Variants in LGSN observed in about 807,000 individuals in gnomAD.
The protein encoded by LGSN is lengsin, lens protein with glutamine synthetase domain, also known as lengsin.
A neutral mutation model predicts 19.5 loss-of-function variants in LGSN; 21 were observed. The ratio of observed to expected loss-of-function variants is 1.07; its 90% confidence interval spans 0.76 to 1.55. The LOEUF (loss-of-function observed/expected upper bound fraction) is 1.55, where lower values mean the gene tolerates loss of function less well. Ranked by LOEUF, LGSN falls within the 40% of genes most tolerant of loss-of-function variation. LGSN has a pLI of 0.00. For synonymous variants in LGSN, 257 were observed against 215.6 expected (o/e 1.19, Z -1.68); for missense variants, 673 against 608.5 (o/e 1.11, Z -1.12).
chr6:63,318,617 G>A (rs1458343199), intron 1 of LGSN, among the ~76,000 whole-genome samples: 11 of 152,108 alleles, frequency 7.2e-5, no homozygotes. Flanking sequence ...TGAGAATTGT[G>A]CAGTTTAAAA....
the LGSN span, among the ~76,000 whole-genome samples, chr6:63,568,747 T>C: frequency 6.6e-6 from 1 of 152,000 alleles, no homozygotes; most frequent in African/African-American, 2.4e-5. Flanking sequence ...ATAAGAAAAT[T>C]AATTGGATAT....
At chr6:63,436,247 CT>C in the LGSN span, among the ~76,000 whole-genome samples, 1 of 152,060 alleles carries the variant, frequency 6.6e-6, no homozygotes, top group Non-Finnish European at 1.5e-5. Context: ...AAACTGTAAA[CT>C]TTATGAGAGC....
chr6:63,327,570 GTC>G, the LGSN span, among the ~76,000 whole-genome samples: 1 of 152,184 alleles, frequency 6.6e-6, no homozygotes, highest in Non-Finnish European at 1.5e-5. Flanking sequence ...CTGCCAAAGA[GTC>G]TATTTGGGAT....
intron 2 of LGSN, among the ~76,000 whole-genome samples, chr6:63,293,324 C>A (rs1265160875): frequency 1.3e-5 from 2 of 152,088 alleles, no homozygotes; most frequent in Non-Finnish European, 2.9e-5. Flanking sequence ...AACTAATTTC[C>A]AGCATTTTAA....
chr6:63,562,343 G>T, the LGSN span, among the ~76,000 whole-genome samples: 1 of 151,872 alleles, frequency 6.6e-6, no homozygotes, highest in African/African-American at 2.4e-5. Flanking sequence ...GGGATTACAG[G>T]CATGTGCCAC....
chr6:63,520,670 T>A, the LGSN span, among the ~76,000 whole-genome samples: 1 of 138,812 alleles, frequency 7.2e-6, no homozygotes, highest in Non-Finnish European at 1.6e-5. Context: ...AATAAATAAA[T>A]AAAATGAAAA....
At chr6:63,339,630 CA>C in the LGSN span, among the ~76,000 whole-genome samples, 1 of 152,102 alleles carries the variant, frequency 6.6e-6, no homozygotes, top group Admixed American at 6.5e-5. Context: ...TCCATCTATT[CA>C]GCCAGTCTGT....
intron 1 of LGSN, among the ~76,000 whole-genome samples, chr6:63,318,562 C>T (rs956333930): frequency 1.3e-5 from 2 of 152,158 alleles, no homozygotes; most frequent in South Asian, 2.1e-4. Flanking sequence ...TCTATTCCAA[C>T]TTTGAGGGAA....
chr6:63,424,874 G>T, the LGSN span, among the ~76,000 whole-genome samples: 1 of 151,916 alleles, frequency 6.6e-6, no homozygotes, highest in Non-Finnish European at 1.5e-5. Flanking sequence ...ATGTGCCACT[G>T]CACTCCAGCC....
At chr6:63,292,649 T>A (rs1008789975) in intron 2 of LGSN, among the ~76,000 whole-genome samples, 3 of 152,200 alleles carry the variant, frequency 2.0e-5, no homozygotes, top group African/African-American at 7.2e-5. Context: ...CTTCCTTGGT[T>A]GGCAATATTC....
At chr6:63,545,214 C>A in the LGSN span, among the ~76,000 whole-genome samples, 26 of 152,142 alleles carry the variant, frequency 1.7e-4, no homozygotes, top group African/African-American at 5.1e-4. Flanking sequence ...AGATTTGGGG[C>A]AACTGGAAGT....
At chr6:63,566,357 G>A in the LGSN span, among the ~76,000 whole-genome samples, 1 of 152,184 alleles carries the variant, frequency 6.6e-6, no homozygotes, top group Non-Finnish European at 1.5e-5. Context: ...TGAGGGGATG[G>A]AGTTTACATG....
chr6:63,369,414 G>T, the LGSN span, among the ~76,000 whole-genome samples: 1 of 152,144 alleles, frequency 6.6e-6, no homozygotes, highest in East Asian at 1.9e-4. Context: ...GTAAAATAAC[G>T]TCGTTCATGT....
chr6:63,450,406 G>A, the LGSN span, among the ~76,000 whole-genome samples: 2 of 149,120 alleles, frequency 1.3e-5, no homozygotes, highest in Admixed American at 6.7e-5. Flanking sequence ...AATAAGCAAG[G>A]TGTGGTGGCA....
the LGSN span, among the ~76,000 whole-genome samples, chr6:63,423,922 C>A: frequency 2.6e-5 from 4 of 152,108 alleles, no homozygotes; most frequent in Non-Finnish European, 5.9e-5. Flanking sequence ...TGCCTGTAAT[C>A]CCAGCTACTT....
At chr6:63,406,921 A>C in the LGSN span, among the ~76,000 whole-genome samples, 2 of 152,248 alleles carry the variant, frequency 1.3e-5, no homozygotes, top group South Asian at 4.1e-4. Context: ...ATAAACTAGA[A>C]TATCTAGAAG....
chr6:63,443,081 C>G, the LGSN span, among the ~76,000 whole-genome samples: 1 of 152,206 alleles, frequency 6.6e-6, no homozygotes, highest in Non-Finnish European at 1.5e-5. Flanking sequence ...GGTCCTGAGC[C>G]CTGCCCCATG....
At chr6:63,300,089 G>A (rs1251418848) in intron 1 of LGSN, among the ~76,000 whole-genome samples, 1 of 152,152 alleles carries the variant, frequency 6.6e-6, no homozygotes, top group African/African-American at 2.4e-5. Flanking sequence ...TATGTCCACT[G>A]TACCTGGGCC....
chr6:63,474,783 C>T, the LGSN span, among the ~76,000 whole-genome samples: 46 of 150,126 alleles, frequency 3.1e-4, no homozygotes, highest in Admixed American at 2.5e-3. Flanking sequence ...ATTAGCTGGG[C>T]GTGGTGGCAG....
Sources: allele counts gnomAD v4.1 joint callset (sites outside exome capture counted in the v4.1 genomes callset), GRCh38; gene constraint gnomAD v4.1.1; transcripts MANE v1.5; gene names NCBI Gene and HGNC (gene_info 2026-07-23, HGNC 2026-07-21).